FRMD4B: variants seen among roughly 807,000 people sequenced by gnomAD.
FRMD4B encodes FERM domain-containing protein 4B.
A neutral mutation model predicts 141.5 loss-of-function variants in FRMD4B; 74 were observed. That is an observed-to-expected ratio of 0.52 (90% CI 0.43 to 0.63). The LOEUF (loss-of-function observed/expected upper bound fraction) is 0.63. Among genes scored for constraint, FRMD4B ranks in the 30% least tolerant of loss-of-function variants. FRMD4B has a pLI of 0.00. For synonymous variants in FRMD4B, 506 were observed against 467.9 expected, an observed-to-expected ratio of 1.08 and a Z score of -1.05; for missense variants, 1,366 against 1,253.4, an observed-to-expected ratio of 1.09 and a Z score of -1.36.
At chr3:69,507,924 G>A (rs1017113225) in intron 1 of FRMD4B, among the ~76,000 whole-genome samples, 4 of 152,188 alleles carry the variant, frequency 2.6e-5, no homozygotes, top group African/African-American at 4.8e-5. Flanking sequence ...AAGAGGTTTC[G>A]GGTTATATGC....
chr3:69,280,289 T>C (rs2093638764), intron 5 of FRMD4B, among the ~76,000 whole-genome samples: 1 of 152,126 alleles, frequency 6.6e-6, no homozygotes, highest in Admixed American at 6.5e-5. Context: ...CCAAACAGGT[T>C]CAGGGGCCCT....
At chr3:69,326,819 CAAG>C in intron 1 of FRMD4B, among the ~76,000 whole-genome samples, 1 of 152,056 alleles carries the variant, frequency 6.6e-6, no homozygotes, top group Non-Finnish European at 1.5e-5. Context: ...TGTTAGGCAC[CAAG>C]AAGAGACTGT....
At chr3:69,409,081 C>T (rs1204101280) in intron 2 of FRMD4B, among the ~76,000 whole-genome samples, 1 of 152,188 alleles carries the variant, frequency 6.6e-6, no homozygotes, top group Non-Finnish European at 1.5e-5. Flanking sequence ...AAGGCCAGTT[C>T]TTGGCTCACA....
intron 1 of FRMD4B, among the ~76,000 whole-genome samples, chr3:69,348,265 C>T (rs1157293355): frequency 6.6e-6 from 1 of 152,156 alleles, no homozygotes; most frequent in East Asian, 1.9e-4. Context: ...CACATACACC[C>T]TCCCAAGAAT....
At chr3:69,510,693 C>T (rs1225833824) in intron 1 of FRMD4B, among the ~76,000 whole-genome samples, 1 of 152,186 alleles carries the variant, frequency 6.6e-6, no homozygotes, top group Non-Finnish European at 1.5e-5. Context: ...CAGGCTCACA[C>T]TTACTAATAC....
At chr3:69,194,056 C>T (rs527304255) in intron 16 of FRMD4B, among the ~76,000 whole-genome samples, 183 bp from the exon 17 acceptor site, 9 of 152,364 alleles carry the variant, frequency 5.9e-5, no homozygotes, top group African/African-American at 1.7e-4. Flanking sequence ...TTAACTTCAA[C>T]TTCTCATTAG....
intron 1 of FRMD4B, among the ~76,000 whole-genome samples, chr3:69,517,688 T>A (rs1700786899): frequency 6.6e-6 from 1 of 152,140 alleles, no homozygotes; most frequent in African/African-American, 2.4e-5. Context: ...TGCTTTCAAA[T>A]CCACCCTGCA....
At chr3:69,301,033 G>T (rs554491678) in intron 4 of FRMD4B, among the ~76,000 whole-genome samples, 5 of 152,196 alleles carry the variant, frequency 3.3e-5, no homozygotes, top group Non-Finnish European at 7.4e-5. Flanking sequence ...ACCGCGCCTG[G>T]CTAGCTGCAA....
chr3:69,528,249 C>T (rs1042601909), intron 1 of FRMD4B, among the ~76,000 whole-genome samples: 1 of 151,450 alleles, frequency 6.6e-6, no homozygotes, highest in Non-Finnish European at 1.5e-5. Flanking sequence ...TCCCTGCCTC[C>T]CTCCCTCCCT....
upstream of FRMD4B, among the ~76,000 whole-genome samples, chr3:69,388,210 G>C (rs765941586): frequency 2.2e-4 from 34 of 152,220 alleles, no homozygotes; most frequent in South Asian, 4.1e-3. Context: ...TCTCAGAAGA[G>C]AGGCTCTAGA....
intron 1 of FRMD4B, among the ~76,000 whole-genome samples, chr3:69,381,176 A>G (rs1704109820): frequency 6.6e-6 from 1 of 152,244 alleles, no homozygotes; most frequent in Non-Finnish European, 1.5e-5. Context: ...TCATTACTAC[A>G]GAAATACCTT....
intron 1 of FRMD4B, among the ~76,000 whole-genome samples, chr3:69,449,712 A>AT (rs892033797): frequency 5.3e-4 from 80 of 150,364 alleles, no homozygotes; most frequent in South Asian, 5.1e-3. Context: ...TAGTCTTGTG[A>AT]TTTTTTTTTT....
chr3:69,223,290 C>T (rs376684539), intron 8 of FRMD4B, among the ~76,000 whole-genome samples: 7 of 152,034 alleles, frequency 4.6e-5, no homozygotes, highest in South Asian at 2.1e-4. Context: ...CCGAGGCAGG[C>T]GGATCACGAG....
intron 2 of FRMD4B, among the ~76,000 whole-genome samples, chr3:69,412,489 G>C (rs1345340962): frequency 6.6e-6 from 1 of 152,178 alleles, no homozygotes; most frequent in Non-Finnish European, 1.5e-5. Flanking sequence ...AGGAAGAAGA[G>C]ATAAAGGTGG....
At chr3:69,210,295 A>ATC (rs1193906018) in intron 11 of FRMD4B, among the ~76,000 whole-genome samples, 1 of 152,202 alleles carries the variant, frequency 6.6e-6, no homozygotes, top group African/African-American at 2.4e-5. Context: ...AGGGATACAA[A>ATC]TCTGTCATGA....
intron 2 of FRMD4B, among the ~76,000 whole-genome samples, chr3:69,409,467 T>C (rs149111735): frequency 3.9e-4 from 60 of 152,296 alleles, no homozygotes; most frequent in African/African-American, 1.3e-3. Flanking sequence ...AGGAACACAA[T>C]GAGCTACTTC....
At chr3:69,189,222 C>CAAAAAAAAA (rs71115659) in intron 18 of FRMD4B, among the ~76,000 whole-genome samples, 2 of 39,770 alleles carry the variant, frequency 5.0e-5, no homozygotes, top group African/African-American at 1.0e-4. Flanking sequence ...AACTCCATCT[C>CAAAAAAAAA]AAAAAAAAAA....
chr3:69,311,934 T>G (rs1020301661), intron 2 of FRMD4B, among the ~76,000 whole-genome samples: 8 of 152,176 alleles, frequency 5.3e-5, no homozygotes, highest in Non-Finnish European at 1.0e-4. Flanking sequence ...TATAAATGAG[T>G]CAACCAAGGC....
At chr3:69,311,423 C>A in intron 2 of FRMD4B, 66 bp from the exon 3 acceptor site, 1 of 732,434 alleles carries the variant, frequency 1.4e-6, no homozygotes, top group East Asian at 2.5e-5. Flanking sequence ...CCACCTTCCT[C>A]TGCCCTAAAT....
Sources: gnomAD v4.1 joint callset for allele counts (sites outside exome capture counted in the v4.1 genomes callset) on GRCh38, gnomAD v4.1.1 for gene constraint, MANE v1.5 for transcripts, NCBI Gene and HGNC (gene_info 2026-07-23, HGNC 2026-07-21) for gene names.